GADL1: variants seen among roughly 807,000 people sequenced by gnomAD.
The protein encoded by GADL1 is acidic amino acid decarboxylase GADL1.
Under a neutral mutation model 69.5 loss-of-function variants are expected in GADL1, and 71 were observed. The observed-to-expected ratio is 1.02, with a 90% CI of 0.84 to 1.25. GADL1 has a LOEUF of 1.25. Ranked by LOEUF, GADL1 falls within the 50% of genes most tolerant of loss-of-function variation. The pLI is 0.00. For missense variants in GADL1, 737 were observed against 631.8 expected (o/e 1.17, Z -1.79); for synonymous variants, 254 against 214.4 (o/e 1.18, Z -1.62).
chr3:30,753,530 G>GA (rs1294608745), intron 14 of GADL1, among the ~76,000 whole-genome samples: 2 of 151,462 alleles, frequency 1.3e-5, no homozygotes, highest in South Asian at 2.1e-4. Context: ...GGTGATTAAT[G>GA]AAAAATCCCT....
intron 11 of GADL1, among the ~76,000 whole-genome samples, chr3:30,822,634 A>G (rs1697605505): frequency 6.6e-6 from 1 of 152,016 alleles, no homozygotes; most frequent in Non-Finnish European, 1.5e-5. Context: ...GTGTTTTACA[A>G]CTAATTTTCG....
At chr3:30,775,033 CAG>C (rs1491382721) in intron 14 of GADL1, among the ~76,000 whole-genome samples, 2 of 152,110 alleles carry the variant, frequency 1.3e-5, no homozygotes, top group African/African-American at 4.8e-5. Context: ...GAGTGAGAGT[CAG>C]AGGAGGATTT....
At chr3:30,781,180 T>TA (rs142392662) in intron 13 of GADL1, among the ~76,000 whole-genome samples, 9,212 of 152,206 alleles carry the variant, frequency 0.061, 514 homozygotes, top group South Asian at 0.22. Flanking sequence ...TCATAATCTT[T>TA]AAAAAATTCA....
At chr3:30,816,173 A>G (rs542720416) in intron 11 of GADL1, among the ~76,000 whole-genome samples, 1 of 152,060 alleles carries the variant, frequency 6.6e-6, no homozygotes, top group Non-Finnish European at 1.5e-5. Context: ...GGAATTTGCG[A>G]TATGTACTGA....
At chr3:30,859,699 CT>C (rs1698289921) in intron 2 of GADL1, among the ~76,000 whole-genome samples, 1 of 151,926 alleles carries the variant, frequency 6.6e-6, no homozygotes, top group Non-Finnish European at 1.5e-5. Flanking sequence ...GAAGAATTTT[CT>C]GCTAATGAAA....
At chr3:30,798,565 T>C (rs778261356) in intron 12 of GADL1, 1 of 152,064 alleles carries the variant, frequency 6.6e-6, no homozygotes, top group Non-Finnish European at 1.5e-5. Context: ...CAAGATGAGA[T>C]TTGGGTGAGG....
chr3:30,762,048 T>C (rs1696149224), intron 14 of GADL1, among the ~76,000 whole-genome samples: 1 of 152,002 alleles, frequency 6.6e-6, no homozygotes, highest in South Asian at 2.1e-4. Context: ...AGGTGAGAGG[T>C]CTGGATGCAG....
At chr3:30,790,709 TATCA>T (rs1224379871) in intron 12 of GADL1, among the ~76,000 whole-genome samples, 2 of 152,178 alleles carry the variant, frequency 1.3e-5, no homozygotes, top group African/African-American at 4.8e-5. Context: ...AGAAAAAAGT[TATCA>T]ATATCAAGGA....
intron 9 of GADL1, among the ~76,000 whole-genome samples, chr3:30,834,742 T>C (rs1413925552): frequency 6.6e-6 from 1 of 152,050 alleles, no homozygotes. Context: ...GGCGGAAATA[T>C]CTGTTAATGA....
chr3:30,884,108 G>A (rs1163185675), intron 1 of GADL1, among the ~76,000 whole-genome samples: 3 of 151,846 alleles, frequency 2.0e-5, no homozygotes, highest in Admixed American at 1.3e-4. Flanking sequence ...GAATGAGAGG[G>A]ATGCATTCCA....
At chr3:30,863,869 T>C (rs1037886101) in intron 1 of GADL1, among the ~76,000 whole-genome samples, 3 of 152,036 alleles carry the variant, frequency 2.0e-5, no homozygotes, top group African/African-American at 7.2e-5. Context: ...AATTCTGTTA[T>C]TGGCAAACAC....
At chr3:30,877,977 G>T (rs1283805719) in intron 1 of GADL1, among the ~76,000 whole-genome samples, 2 of 151,850 alleles carry the variant, frequency 1.3e-5, no homozygotes, top group African/African-American at 2.4e-5. Flanking sequence ...CTCAGATGCT[G>T]GTAGAAACAC....
Position 30,872,646 on chromosome 3 carries a change from G to C in GADL1, c.38-10881C>G, listed in dbSNP as rs139890444. Among the ~76,000 whole-genome samples, 467 of 151,962 alleles carry C rather than the reference G, an allele frequency of 3.1e-3. 13 individuals carry two copies. Among genetic ancestry groups the C allele is most frequent in the Admixed American group, 0.028 (425 of 15,228 alleles). ...GATACTGTCAGTTAAATACCCTTTT[G>C]TGGGTATCTCCAAGTTCTAAGTTTT... On this transcript the variant is annotated intron_variant, in intron 1 of 14. Coordinates refer to ENST00000282538, the MANE Select transcript of GADL1 (RefSeq NM_207359.3).
chr3:30,781,216 A>G (rs1473949581), intron 13 of GADL1, among the ~76,000 whole-genome samples: 1 of 152,248 alleles, frequency 6.6e-6, no homozygotes, highest in Non-Finnish European at 1.5e-5. Flanking sequence ...GTGCCATTAA[A>G]GAATGAATAC....
At chr3:30,816,530 CTTT>C (rs773530741) in intron 11 of GADL1, among the ~76,000 whole-genome samples, 695 of 53,974 alleles carry the variant, frequency 0.013, 33 homozygotes, top group African/African-American at 0.035. Context: ...AATTTGTTTT[CTTT>C]TTTTTTTTTT....
rs949189247 is a variant in GADL1, at chr3:30,861,660, A to C, written c.143T>G (p.Phe48Cys). The C allele has an allele frequency of 4.5e-6, 7 of 1,550,378 alleles. No homozygotes were observed. The Admixed American group carries it at 1.4e-4, about 30-fold the overall frequency. The change falls in exon 2 of 15, where the codon TTT (phenylalanine) becomes TGT (cysteine). Residue 48 changes from phenylalanine to cysteine, a missense_variant. Phe to Cys is a radical substitution (Grantham distance 205). Transcript: ENST00000282538. ...PTTDAKAGEK[F>C]VEEACRLIME... ...TATTAGCCTACAGGCCTCTTCAACA[A>C]ATTTTTCTCCAGCTTTTGCATCTGT...
At chr3:30,768,066 A>G (rs908110630) in intron 14 of GADL1, among the ~76,000 whole-genome samples, 2 of 144,018 alleles carry the variant, frequency 1.4e-5, no homozygotes, top group Admixed American at 7.2e-5. Context: ...ATAACACCCA[A>G]TGTTAGTTAG....
chr3:30,886,566 T>C (rs904599258), intron 1 of GADL1, among the ~76,000 whole-genome samples: 8 of 152,070 alleles, frequency 5.3e-5, no homozygotes, highest in Non-Finnish European at 1.0e-4. Context: ...AGGGGCATCA[T>C]TGAAGGAGGG....
rs112673094 is a variant in GADL1, at chr3:30,892,294, A to C, written c.37+2284T>G. Among the ~76,000 whole-genome samples the C allele has an allele frequency of 6.5e-3, 995 of 152,346 alleles. 7 individuals carry two copies. Among genetic ancestry groups the C allele is most frequent in the African/African-American group, 0.023 (939 of 41,578 alleles). ...AGGTCTGTAACAGATATTCAACAAG[A>C]GAATTTAAGACAAGATATCATTTAA... On this transcript the variant is annotated intron_variant, in intron 1 of 14. Coordinates refer to ENST00000282538, the MANE Select transcript of GADL1 (RefSeq NM_207359.3).
Sources: gnomAD v4.1 joint callset for allele counts (sites outside exome capture counted in the v4.1 genomes callset) on GRCh38, gnomAD v4.1.1 for gene constraint, MANE v1.5 for transcripts, NCBI Gene and HGNC (gene_info 2026-07-23, HGNC 2026-07-21) for gene names.